RBPJ: variants seen among roughly 807,000 people sequenced by gnomAD.
RBPJ encodes the protein recombining binding protein suppressor of hairless.
In RBPJ, 9 loss-of-function variants were observed where a neutral mutation model predicts 67.8. The ratio of observed to expected loss-of-function variants is 0.13; its 90% CI spans 0.08 to 0.23. The LOEUF is 0.23. Ranked by LOEUF, RBPJ falls within the 10% of genes least tolerant of loss-of-function variation. The pLI is 1.00. For synonymous variants in RBPJ, 198 were observed against 203.3 expected (o/e 0.97, Z 0.22); for missense variants, 305 against 595.6 (o/e 0.51, Z 5.08).
chr4:26,324,276 T>C (rs1723386149), intron 1 of RBPJ, among the ~76,000 whole-genome samples: 1 of 152,144 alleles, frequency 6.6e-6, no homozygotes, highest in Admixed American at 6.5e-5. Flanking sequence ...GATAGTGGGA[T>C]TTTTTAAAAT....
intron 2 of RBPJ, among the ~76,000 whole-genome samples, chr4:26,399,790 A>G (rs541877023): frequency 2.6e-5 from 4 of 152,106 alleles, no homozygotes; most frequent in South Asian, 4.1e-4. Flanking sequence ...GGTTCAAGCA[A>G]TTCCCTGCCT....
Position 26,321,018 on chromosome 4 carries a change from G to C in RBPJ, c.-11G>C. ...CGCGAGGGTTGGAGTTTTGGCGAGAGTTTGTGGAAGATGGCGCCTGTTGTG... is the reference window on the plus strand; with the variant it reads ...CGCGAGGGTTGGAGTTTTGGCGAGACTTTGTGGAAGATGGCGCCTGTTGTG... On this transcript the variant is annotated 5_prime_UTR_variant, in exon 1 of 11. Coordinates refer to ENST00000355476, the MANE Select transcript of RBPJ (RefSeq NM_015874.6). 6.2e-7 allele frequency: 1 copy of C among 1,613,608 alleles called. No individual in the cohort carries two copies. The highest frequency in any genetic ancestry group is 8.5e-7 in the Non-Finnish European group (1 of 1,179,670).
intron 1 of RBPJ, among the ~76,000 whole-genome samples, chr4:26,280,997 G>C (rs932769702): frequency 5.3e-5 from 8 of 152,114 alleles, no homozygotes; most frequent in Non-Finnish European, 7.4e-5. Context: ...CAAATCAGAT[G>C]ATGAGGCTCT....
chr4:26,390,118 T>A (rs1318534612), intron 2 of RBPJ, among the ~76,000 whole-genome samples: 1 of 152,200 alleles, frequency 6.6e-6, no homozygotes, highest in Non-Finnish European at 1.5e-5. Context: ...ATCTCAGGAA[T>A]GGAAAACAGT....
intron 2 of RBPJ, among the ~76,000 whole-genome samples, chr4:26,399,040 A>G (rs577613288): frequency 1.3e-5 from 2 of 152,296 alleles, no homozygotes; most frequent in South Asian, 4.1e-4. Flanking sequence ...AAACTTAGGA[A>G]TTAAAAACTT....
intron 1 of RBPJ, among the ~76,000 whole-genome samples, chr4:26,199,784 C>G (rs542500025): frequency 6.6e-6 from 1 of 152,318 alleles, no homozygotes; most frequent in East Asian, 1.9e-4. Flanking sequence ...GTTGCACAAA[C>G]TTGGAAATGC....
chr4:26,164,530 G>A (rs1168989372), intron 1 of RBPJ, among the ~76,000 whole-genome samples: 1 of 152,042 alleles, frequency 6.6e-6, no homozygotes, highest in Admixed American at 6.6e-5. Flanking sequence ...CTTCTTATTC[G>A]GGCACTCACT....
At chr4:26,214,340 A>C (rs1718542112) in intron 1 of RBPJ, among the ~76,000 whole-genome samples, 1 of 125,966 alleles carries the variant, frequency 7.9e-6, no homozygotes, top group Non-Finnish European at 1.7e-5. Flanking sequence ...AAGAGAAAGA[A>C]AGAAAAGGAA....
rs1478639899 is a variant in RBPJ, at chr4:26,219,739, T to G, written c.-167+56125T>G. Among the ~76,000 whole-genome samples the G allele has an allele frequency of 2.0e-5, 3 of 152,306 alleles. No individual in the cohort carries two copies. In the East Asian group the frequency reaches 5.8e-4, roughly 29 times the overall value. On this transcript the variant is annotated intron_variant, in intron 1 of 4. Coordinates refer to the RBPJ transcript ENST00000512351. ...TTAAAATGACTAAATCCAAGTCACA[T>G]TAACTGGTATATGGCAGAGTCAGGT...
At chr4:26,344,379 C>T (rs1031354373) in intron 1 of RBPJ, among the ~76,000 whole-genome samples, 3 of 151,908 alleles carry the variant, frequency 2.0e-5, no homozygotes, top group South Asian at 2.1e-4. Flanking sequence ...GGACTACAGG[C>T]GCCTGCCATC....
chr4:26,144,953 C>A, the RBPJ span, among the ~76,000 whole-genome samples: 2 of 152,028 alleles, frequency 1.3e-5, no homozygotes, highest in East Asian at 3.9e-4. Flanking sequence ...TCAAATCAAC[C>A]ATACTGGGTT....
chr4:26,108,773 T>C, the RBPJ span, among the ~76,000 whole-genome samples: 9 of 152,326 alleles, frequency 5.9e-5, no homozygotes, highest in East Asian at 1.7e-3. Context: ...TCAGCAAGAA[T>C]GAACTGGGCA....
At chr4:26,327,808 G>A (rs1210351043) in intron 1 of RBPJ, among the ~76,000 whole-genome samples, 1 of 151,998 alleles carries the variant, frequency 6.6e-6, no homozygotes. Flanking sequence ...TCATGCCACT[G>A]TACTCCAGCC....
chr4:26,207,221 T>G (rs17823089), intron 1 of RBPJ, among the ~76,000 whole-genome samples: 19,917 of 152,224 alleles, frequency 0.13, 1,661 homozygotes, highest in South Asian at 0.2. Flanking sequence ...GGTTTTTCTA[T>G]ATCCACTTCT....
intron 1 of RBPJ, among the ~76,000 whole-genome samples, chr4:26,239,235 C>G (rs1321329691): frequency 6.6e-6 from 1 of 152,132 alleles, no homozygotes; most frequent in Non-Finnish European, 1.5e-5. Flanking sequence ...GTTTTGTATC[C>G]CAGCCAAGTG....
At chr4:26,208,147 G>A (rs1418733003) in intron 1 of RBPJ, among the ~76,000 whole-genome samples, 3 of 152,216 alleles carry the variant, frequency 2.0e-5, no homozygotes, top group African/African-American at 7.2e-5. Context: ...TGTTTACTAC[G>A]TGCTTGGTGC....
the RBPJ span, among the ~76,000 whole-genome samples, chr4:26,136,110 C>T: frequency 2.6e-5 from 4 of 152,146 alleles, no homozygotes; most frequent in African/African-American, 4.8e-5. Flanking sequence ...GAGACTTATT[C>T]GCTACCACAA....
chr4:26,200,259 T>C (rs575668961), intron 1 of RBPJ, among the ~76,000 whole-genome samples: 1 of 152,382 alleles, frequency 6.6e-6, no homozygotes, highest in Admixed American at 6.5e-5. Context: ...GGCATTTTAC[T>C]CTATCATAAC....
chr4:26,339,839 G>C (rs1725311955), intron 1 of RBPJ, among the ~76,000 whole-genome samples: 1 of 152,158 alleles, frequency 6.6e-6, no homozygotes, highest in South Asian at 2.1e-4. Context: ...GGCCAACATG[G>C]TGAAACCCTG....
Sources: allele counts gnomAD v4.1 joint callset (sites outside exome capture counted in the v4.1 genomes callset), GRCh38; gene constraint gnomAD v4.1.1; transcripts MANE v1.5; gene names NCBI Gene and HGNC (gene_info 2026-07-23, HGNC 2026-07-21).